ICA1: variants seen among roughly 807,000 people sequenced by gnomAD.
ICA1 encodes islet cell autoantigen 1.
ICA1 carries 40 observed loss-of-function variants against 71.0 expected under a neutral mutation model. The ratio of observed to expected loss-of-function variants is 0.56; its 90% CI spans 0.44 to 0.73. The LOEUF (loss-of-function observed/expected upper bound fraction) is 0.73. Among genes scored for constraint, ICA1 ranks in the 30% least tolerant of loss-of-function variants. The pLI is 0.00. For missense variants in ICA1, 578 were observed against 576.5 expected, an observed-to-expected ratio of 1.00 and a Z score of -0.03; for synonymous variants, 207 against 209.5, an observed-to-expected ratio of 0.99 and a Z score of 0.10.
intron 6 of ICA1, among the ~76,000 whole-genome samples, chr7:8,188,692 G>A (rs1422757967): frequency 6.6e-6 from 1 of 152,142 alleles, no homozygotes; most frequent in Non-Finnish European, 1.5e-5. Flanking sequence ...TTTTAAACTT[G>A]GGAGTACCAG....
Position 8,232,631 on chromosome 7 carries a change from G to A in ICA1, c.142C>T (p.His48Tyr). 2 of 1,613,274 alleles carry A rather than the reference G, an allele frequency of 1.2e-6. No individual in the cohort carries two copies. The highest frequency in any genetic ancestry group is 1.7e-6 in the Non-Finnish European group (2 of 1,179,612). The change falls in exon 3 of 14, where the codon CAT becomes TAT. Residue 48 changes from histidine to tyrosine, a missense_variant. Transcript: ENST00000402384. Reference sequence around the variant, plus strand: ...AGGTCCGCGTCAGAGGCAACAACATGTTCATCTTCCTTCTTCCCTGTGGCT... The same window carrying A: ...AGGTCCGCGTCAGAGGCAACAACATATTCATCTTCCTTCTTCCCTGTGGCT... ...IKATGKKEDE[H>Y]VVASDADLDA...
intron 6 of ICA1, among the ~76,000 whole-genome samples, chr7:8,186,786 A>T (rs1186987268): frequency 6.6e-6 from 1 of 152,204 alleles, no homozygotes; most frequent in African/African-American, 2.4e-5. Context: ...CATATAAGTG[A>T]CAGGGCCTCA....
chr7:8,232,819 A>T, intron 2 of ICA1, 64 bp from the exon 3 acceptor site: 1 of 1,353,878 alleles, frequency 7.4e-7, no homozygotes, highest in Non-Finnish European at 9.8e-7. Flanking sequence ...TTTTAGTGTG[A>T]AATGATTTCT....
intron 3 of ICA1, among the ~76,000 whole-genome samples, chr7:8,229,885 A>C (rs1308915603): frequency 6.6e-6 from 1 of 152,220 alleles, no homozygotes; most frequent in Non-Finnish European, 1.5e-5. Flanking sequence ...AGTATTCTGG[A>C]TCAAAACCCA....
intron 6 of ICA1, among the ~76,000 whole-genome samples, chr7:8,204,047 G>C (rs1790645507): frequency 6.7e-6 from 1 of 150,364 alleles, no homozygotes. Flanking sequence ...ATGTTCAAGA[G>C]ACAGAGAGAT....
At chr7:8,150,900 G>A (rs1798565885) in intron 8 of ICA1, among the ~76,000 whole-genome samples, 1 of 152,258 alleles carries the variant, frequency 6.6e-6, no homozygotes, top group Non-Finnish European at 1.5e-5. Flanking sequence ...GGGGAAGGCA[G>A]GAGCATCCCA....
At chr7:8,119,624 T>A (rs1786045418) in intron 13 of ICA1, among the ~76,000 whole-genome samples, 1 of 152,176 alleles carries the variant, frequency 6.6e-6, no homozygotes, top group Admixed American at 6.5e-5. Flanking sequence ...AGCAGGCGGA[T>A]CACTTGAGGT....
chr7:8,157,009 AT>A, intron 8 of ICA1, 106 bp downstream of exon 8: 1 of 1,601,452 alleles, frequency 6.2e-7, no homozygotes, highest in South Asian at 1.1e-5. Flanking sequence ...TCTCTTCAGC[AT>A]TCTGAGTCCT....
chr7:8,246,243 A>G (rs888132598), intron 1 of ICA1, among the ~76,000 whole-genome samples: 2 of 152,242 alleles, frequency 1.3e-5, no homozygotes, highest in Non-Finnish European at 2.9e-5. Flanking sequence ...GATCGCATGA[A>G]TGTTTGTGTT....
intron 5 of ICA1, among the ~76,000 whole-genome samples, chr7:8,220,577 C>A (rs2067697084): frequency 6.6e-6 from 1 of 152,102 alleles, no homozygotes; most frequent in Admixed American, 6.6e-5. Flanking sequence ...TCACTTTTCT[C>A]AGGCGCAGAG....
intron 1 of ICA1, among the ~76,000 whole-genome samples, chr7:8,237,877 T>A (rs1416831301): frequency 6.6e-6 from 1 of 151,800 alleles, no homozygotes; most frequent in East Asian, 1.9e-4. Context: ...CATTCATGTG[T>A]CAATGGATAT....
rs1339110358 is a variant in ICA1 at position 8,130,351 on chromosome 7, G to T, written c.1061-2209C>A. On this transcript the variant is annotated intron_variant, in intron 12 of 13. Coordinates refer to ENST00000402384, the MANE Select transcript of ICA1 (RefSeq NM_001136020.3). The surrounding 1 kb of genome is among the most constrained non-coding windows in gnomAD (Gnocchi z 4.2). ...AGGTGGCCCACCTCTGTGGATGAAG[G>T]CAGGAGCTGAAGGAAAGGAAAGCAA... is the stretch of plus-strand genomic sequence containing the variant. Among the ~76,000 whole-genome samples, 3 of 152,212 alleles carry T rather than the reference G, an allele frequency of 2.0e-5. No individual in the cohort carries two copies. Among genetic ancestry groups the T allele is most frequent in the African/African-American group, 7.2e-5 (3 of 41,448 alleles).
At chr7:8,202,004 C>A (rs1487194391) in intron 6 of ICA1, among the ~76,000 whole-genome samples, 1 of 152,136 alleles carries the variant, frequency 6.6e-6, no homozygotes, top group Non-Finnish European at 1.5e-5. Context: ...CCCCTGCCTA[C>A]CCCCAGGACA....
chr7:8,166,220 T>C (rs1480940536), intron 6 of ICA1, among the ~76,000 whole-genome samples: 1 of 152,122 alleles, frequency 6.6e-6, no homozygotes, highest in East Asian at 1.9e-4. Context: ...ACCTTCAATT[T>C]ACTTCTTAGG....
chr7:8,231,271 T>G (rs1267241395), intron 3 of ICA1, among the ~76,000 whole-genome samples: 3 of 151,738 alleles, frequency 2.0e-5, no homozygotes, highest in African/African-American at 7.3e-5. Flanking sequence ...AGCTGGCTGG[T>G]GGTGAGGGCA....
intron 6 of ICA1, among the ~76,000 whole-genome samples, chr7:8,163,869 G>A (rs1234465406): frequency 2.0e-5 from 3 of 152,160 alleles, no homozygotes; most frequent in Admixed American, 6.5e-5. Context: ...CCTTGTTGGC[G>A]TGCTCAGGAT....
chr7:8,202,631 G>A (rs990449942), intron 6 of ICA1, among the ~76,000 whole-genome samples: 1 of 152,166 alleles, frequency 6.6e-6, no homozygotes, highest in East Asian at 1.9e-4. Context: ...CCATTCTGGG[G>A]ATGAATGAGA....
At chr7:8,145,764 A>ATATATG (rs55971486) in intron 8 of ICA1, among the ~76,000 whole-genome samples, 86,332 of 136,118 alleles carry the variant, frequency 0.63, 30,718 homozygotes, top group East Asian at 0.83. Context: ...ATATATATAT[A>ATATATG]TATGTATATA....
chr7:8,174,755 CAA>C (rs1218712832), intron 6 of ICA1, among the ~76,000 whole-genome samples: 2,458 of 83,078 alleles, frequency 0.03, 43 homozygotes, highest in East Asian at 0.11. Flanking sequence ...GACTGTATCT[CAA>C]AAAAAAAAAA....
Sources: allele counts gnomAD v4.1 joint callset (sites outside exome capture counted in the v4.1 genomes callset), GRCh38; gene constraint gnomAD v4.1.1; non-coding constraint Gnocchi (gnomAD v3.1); transcripts MANE v1.5; gene names NCBI Gene and HGNC (gene_info 2026-07-23, HGNC 2026-07-21).